The following XPO7 variants were observed in gnomAD, a reference collection of about 807,000 sequenced individuals.
XPO7 encodes exportin 7.
In XPO7, 21 loss-of-function variants were observed where a neutral mutation model predicts 144.3. The ratio of observed to expected loss-of-function variants is 0.15; its 90% confidence interval spans 0.10 to 0.21. The LOEUF (loss-of-function observed/expected upper bound fraction) is 0.21, where lower values mean the gene tolerates loss of function less well. XPO7 is among the 10% of genes least tolerant of loss of function. The pLI, the probability that XPO7 is intolerant of heterozygous loss-of-function variation, is 1.00. For synonymous variants in XPO7, 580 were observed against 499.6 expected (o/e 1.16, Z -2.15); for missense variants, 808 against 1,325.8 (o/e 0.61, Z 6.06).
In XPO7 at chr8:21,960,479, C is replaced by G. The variant is rs147543687; in HGVS notation, c.19-6378C>G. Among the ~76,000 whole-genome samples the G allele has an allele frequency of 2.4e-3, 372 of 152,330 alleles. 2 individuals carry two copies. The highest frequency in any genetic ancestry group is 8.6e-3 in the African/African-American group (359 of 41,566). The stretch of plus-strand genomic sequence containing the variant: ...CTAGGTACATTCTGGCTATTTACTT[C>G]ATGAAATAATTTGTTTGCATGTGTT... On this transcript the variant is annotated intron_variant, in intron 1 of 27. Coordinates refer to ENST00000252512, the MANE Select transcript of XPO7 (RefSeq NM_015024.5).
intron 1 of XPO7, among the ~76,000 whole-genome samples, chr8:21,956,160 A>G (rs1325306172): frequency 1.3e-5 from 2 of 152,188 alleles, no homozygotes; most frequent in African/African-American, 4.8e-5. Context: ...TGTTCTACTC[A>G]CACATGATTC....
intron 1 of XPO7, among the ~76,000 whole-genome samples, chr8:21,961,278 C>T (rs1376932016): frequency 6.6e-6 from 1 of 150,562 alleles, no homozygotes; most frequent in African/African-American, 2.4e-5. Flanking sequence ...GGCATGATCA[C>T]AGCTCACTGC....
intron 2 of XPO7, among the ~76,000 whole-genome samples, chr8:21,967,648 T>C (rs763996781): frequency 6.6e-6 from 1 of 152,134 alleles, no homozygotes; most frequent in Non-Finnish European, 1.5e-5. Flanking sequence ...ATGACCTTTT[T>C]AATCCAAAGT....
At chr8:21,936,074 C>A (rs1343406023) in intron 1 of XPO7, among the ~76,000 whole-genome samples, 1 of 152,176 alleles carries the variant, frequency 6.6e-6, no homozygotes, top group African/African-American at 2.4e-5. Context: ...CTCTTACCAC[C>A]TATCAGACAA....
intron 17 of XPO7, 189 bp downstream of exon 17, chr8:21,990,596 GT>G (rs1196118851): frequency 1.3e-6 from 1 of 749,514 alleles, no homozygotes; most frequent in Non-Finnish European, 2.2e-6. Flanking sequence ...GATGATGTGA[GT>G]TATGGTGAAG....
chr8:21,958,817 C>T (rs1328029948), intron 1 of XPO7, among the ~76,000 whole-genome samples: 13 of 151,900 alleles, frequency 8.6e-5, no homozygotes, highest in African/African-American at 2.7e-4. Context: ...AAAAACCAGC[C>T]GAACATGGTG....
At chr8:22,004,081 A>G (rs1813244241) in intron 27 of XPO7, 51 bp downstream of exon 27, 10 of 1,606,748 alleles carry the variant, frequency 6.2e-6, no homozygotes, top group Admixed American at 1.7e-5. Context: ...CTATTTTTCA[A>G]ATCAACGAAA....
chr8:21,969,448 A>G, intron 2 of XPO7, 35 bp from the exon 3 acceptor site: 2 of 1,567,442 alleles, frequency 1.3e-6, no homozygotes, highest in Non-Finnish European at 1.8e-6. Flanking sequence ...CTTACTCAAT[A>G]CAATTTTAAG....
chr8:21,949,957 T>C (rs1448355305), intron 1 of XPO7, among the ~76,000 whole-genome samples: 2 of 152,220 alleles, frequency 1.3e-5, no homozygotes, highest in Non-Finnish European at 2.9e-5. Flanking sequence ...ACTCCTGACC[T>C]CAGGTGATCT....
At chr8:21,983,615 CTGAGGAT>C (rs1179051542) in intron 11 of XPO7, among the ~76,000 whole-genome samples, 1 of 152,170 alleles carries the variant, frequency 6.6e-6, no homozygotes, top group African/African-American at 2.4e-5. Context: ...GCTTCCACTC[CTGAGGAT>C]TCGGCTGGCT....
chr8:21,937,767 T>A (rs182155111), intron 1 of XPO7, among the ~76,000 whole-genome samples: 71 of 152,312 alleles, frequency 4.7e-4, no homozygotes, highest in Non-Finnish European at 7.9e-4. Context: ...GTTCCTCTTT[T>A]ATAAAAGGAA....
At position 21,999,620 on chromosome 8, in the gene XPO7, C is replaced by A. The variant is rs889536199; in HGVS notation, c.2728C>A (p.Pro910Thr). The A allele has an allele frequency of 6.2e-7, 1 of 1,614,006 alleles. No individual in the cohort carries two copies. The highest frequency in any genetic ancestry group is 1.3e-5 in the African/African-American group (1 of 75,034). ...DHMNFIASLE[P>T]HVIMYILSSI... ...TATGAACTTTATTGCAAGCCTGGAA[C>A]CTCACGTCATCATGTATATTCTCTC... Residue 910 changes from proline (P) to threonine (T), a missense_variant, in exon 24 of 28, where the codon CCT becomes ACT. Physicochemically the swap from Pro to Thr is conservative, Grantham distance 38 (BLOSUM62 -1). This residue lies in a region of XPO7 where 140 missense variants were observed against 237.9 expected (regional missense o/e 0.59). Transcript: ENST00000252512.
At position 22,006,295 on chromosome 8, in the gene XPO7, G is replaced by C. The variant is rs1010860188; in HGVS notation, c.*1207G>C. The C allele has an allele frequency of 6.6e-6, 1 of 152,016 alleles. No individual in the cohort carries two copies. Among genetic ancestry groups the C allele is most frequent in the African/African-American group, 2.4e-5 (1 of 41,388 alleles). The allele number at this position is 152,016 out of a possible 1,614,324, so 9.4% of individuals were successfully genotyped here. ...TTAAAAAAAATAATAACCTACAGAG[G>C]AAAATTAATGGAGACAGCTATTTGC... On this transcript the variant is annotated 3_prime_UTR_variant, in exon 28 of 28. Transcript: ENST00000252512.
chr8:21,927,211 A>AC (rs946542266), intron 1 of XPO7, among the ~76,000 whole-genome samples: 1 of 142,738 alleles, frequency 7.0e-6, no homozygotes, highest in Non-Finnish European at 1.6e-5. Context: ...ACATAGCAAG[A>AC]CCCCAAGTCT....
At chr8:21,944,339 G>A (rs1457112304) in intron 1 of XPO7, among the ~76,000 whole-genome samples, 13 of 152,198 alleles carry the variant, frequency 8.5e-5, no homozygotes, top group East Asian at 7.7e-4. Context: ...AGGCCTAGGC[G>A]GGCAGATCAC....
chr8:21,939,363 G>A (rs1315687501), intron 1 of XPO7, among the ~76,000 whole-genome samples: 1 of 151,956 alleles, frequency 6.6e-6, no homozygotes, highest in African/African-American at 2.4e-5. Context: ...CCGGATTACA[G>A]GCATGTGCCA....
At chr8:21,950,408 G>A (rs957370971) in intron 1 of XPO7, among the ~76,000 whole-genome samples, 2 of 152,074 alleles carry the variant, frequency 1.3e-5, no homozygotes, top group Admixed American at 6.6e-5. Flanking sequence ...GCTAATTTTT[G>A]TTCTTCTAAA....
At chr8:21,949,990 G>C (rs568865138) in intron 1 of XPO7, among the ~76,000 whole-genome samples, 11 of 152,330 alleles carry the variant, frequency 7.2e-5, no homozygotes, top group Admixed American at 4.6e-4. Flanking sequence ...CTCCCAAAGT[G>C]CTGGGATTAC....
At chr8:21,997,261 C>CA (rs1049994744) in intron 21 of XPO7, among the ~76,000 whole-genome samples, 1 of 152,144 alleles carries the variant, frequency 6.6e-6, no homozygotes, top group African/African-American at 2.4e-5. Context: ...CTATGCCAGA[C>CA]AAAATCTCTA....
Sources: gnomAD v4.1 joint callset for allele counts (sites outside exome capture counted in the v4.1 genomes callset) on GRCh38, gnomAD v4.1.1 for gene constraint, gnomAD v4.1.1 regional missense constraint, MANE v1.5 for transcripts, NCBI Gene and HGNC (gene_info 2026-07-23, HGNC 2026-07-21) for gene names.